Variants in GRIK2 observed in about 807,000 individuals in gnomAD.
GRIK2 encodes the protein glutamate ionotropic receptor kainate type subunit 2.
GRIK2 carries 32 observed loss-of-function variants against 100.3 expected under a neutral mutation model. The observed-to-expected ratio is 0.32, with a 90% CI of 0.24 to 0.43. The LOEUF (loss-of-function observed/expected upper bound fraction) is 0.43. Among genes scored for constraint, GRIK2 ranks in the 20% least tolerant of loss-of-function variants. GRIK2 has a pLI of 1.00. For missense variants in GRIK2, 843 were observed against 1,114.9 expected, an observed-to-expected ratio of 0.76 and a Z score of 3.47; for synonymous variants, 417 against 389.4, an observed-to-expected ratio of 1.07 and a Z score of -0.83.
chr6:101,784,445 A>G (rs1444866045), intron 7 of GRIK2, among the ~76,000 whole-genome samples: 1 of 152,160 alleles, frequency 6.6e-6, no homozygotes, highest in African/African-American at 2.4e-5. Flanking sequence ...GAGACTTTGG[A>G]CTTGGATTTT....
intron 2 of GRIK2, among the ~76,000 whole-genome samples, chr6:101,477,376 G>A (rs961462136): frequency 2.0e-5 from 3 of 152,156 alleles, no homozygotes; most frequent in Admixed American, 2.0e-4. Flanking sequence ...TTATTTTTCA[G>A]AATTTGCCCA....
intron 2 of GRIK2, among the ~76,000 whole-genome samples, chr6:101,468,667 G>A (rs927310490): frequency 6.6e-6 from 1 of 152,054 alleles, no homozygotes; most frequent in East Asian, 1.9e-4. Flanking sequence ...TACGATATAG[G>A]TCACATTTTC....
intron 2 of GRIK2, among the ~76,000 whole-genome samples, chr6:101,407,874 G>T (rs965905805): frequency 6.6e-6 from 1 of 152,054 alleles, no homozygotes; most frequent in Admixed American, 6.6e-5. Flanking sequence ...AGATTATTGC[G>T]GGCTTAAGTT....
At chr6:101,999,527 C>A (rs541994105) in intron 14 of GRIK2, among the ~76,000 whole-genome samples, 1 of 152,084 alleles carries the variant, frequency 6.6e-6, no homozygotes, top group African/African-American at 2.4e-5. Flanking sequence ...TGTAGAAACA[C>A]AATTGATTGT....
Position 101,617,001 on chromosome 6 carries a change from A to G in GRIK2, c.116-4948A>G, listed in dbSNP as rs542916347. 5.3e-5 allele frequency among the ~76,000 whole-genome samples: 8 copies of G among 151,716 alleles called. No individual in the cohort carries two copies. The South Asian group carries it at 8.3e-4, about 16-fold the overall frequency. On this transcript the variant is annotated intron_variant, in intron 2 of 16. Transcript: ENST00000369134. The stretch of plus-strand genomic sequence containing the variant: ...TTTCTTGTAAAATGTATTATATTTA[A>G]TATACTTTCATATATTTTCATATTT...
intron 14 of GRIK2, among the ~76,000 whole-genome samples, chr6:101,996,380 C>T (rs1432211551): frequency 6.6e-6 from 1 of 151,938 alleles, no homozygotes; most frequent in Non-Finnish European, 1.5e-5. Flanking sequence ...TTTTTAACTA[C>T]TTTAATTATG....
chr6:101,557,404 T>C (rs1776799380), intron 2 of GRIK2, among the ~76,000 whole-genome samples: 1 of 152,216 alleles, frequency 6.6e-6, no homozygotes, highest in African/African-American at 2.4e-5. Context: ...TAGTTCATGG[T>C]TTATACAGCT....
chr6:101,942,710 G>A (rs1475418654), intron 14 of GRIK2, among the ~76,000 whole-genome samples: 2 of 152,188 alleles, frequency 1.3e-5, no homozygotes, highest in Non-Finnish European at 2.9e-5. Flanking sequence ...AAGCAGCAAA[G>A]TATTCATGAT....
At chr6:101,847,173 T>C (rs62419296) in intron 10 of GRIK2, among the ~76,000 whole-genome samples, 160 of 152,262 alleles carry the variant, frequency 1.1e-3, no homozygotes, top group Non-Finnish European at 1.2e-3. Context: ...ACTGTATCCA[T>C]TGAGTTTTAA....
chr6:101,832,763 C>T (rs944930821), intron 10 of GRIK2, among the ~76,000 whole-genome samples: 13 of 152,044 alleles, frequency 8.6e-5, no homozygotes, highest in Admixed American at 8.5e-4. Flanking sequence ...AATACAGGTG[C>T]CCATTATTAT....
chr6:101,702,045 C>T lies in GRIK2; in HGVS notation c.951+15692C>T, dbSNP rs144875248. ...CTATCATGTTTCTGTATTTTGACTC[C>T]GTGGTTTGGTATTCTTATTTTTCTA... On this transcript the variant is annotated intron_variant, in intron 7 of 16. Coordinates refer to ENST00000369134, the MANE Select transcript of GRIK2 (RefSeq NM_021956.5). 3.9e-3 allele frequency among the ~76,000 whole-genome samples: 157 copies of T among 40,212 alleles called. 1 individual carries two copies. In the East Asian group the frequency reaches 0.093, roughly 24 times the overall value. 26.4% of individuals were successfully genotyped at this position (40,212 alleles called of 152,430 possible).
intron 7 of GRIK2, among the ~76,000 whole-genome samples, chr6:101,752,012 A>G (rs1003129824): frequency 6.6e-6 from 1 of 152,262 alleles, no homozygotes; most frequent in East Asian, 1.9e-4. Context: ...AACCTTCCCT[A>G]TGTACTATTT....
chr6:101,928,403 A>G lies in GRIK2; in HGVS notation c.1868-12A>G. The G allele has an allele frequency of 7.1e-7, 1 of 1,416,034 alleles. No homozygotes were observed. Among genetic ancestry groups the G allele is most frequent in the Non-Finnish European group, 1.0e-6 (1 of 999,642 alleles). The allele number at this position is 1,416,034 out of a possible 1,614,324, so 87.7% of individuals were successfully genotyped here. ...TCTATATTCGTTTCACCTTTCCCCCACTCTCTGTTAGGTTCTGAGCTCATG... is the reference window on the plus strand; with the variant it reads ...TCTATATTCGTTTCACCTTTCCCCCGCTCTCTGTTAGGTTCTGAGCTCATG... On this transcript the variant is annotated splice_polypyrimidine_tract_variant and intron_variant, in intron 13 of 16. Coordinates refer to ENST00000369134, the MANE Select transcript of GRIK2 (RefSeq NM_021956.5).
chr6:101,734,739 A>G (rs146816667), intron 7 of GRIK2, among the ~76,000 whole-genome samples: 1 of 152,330 alleles, frequency 6.6e-6, no homozygotes, highest in Non-Finnish European at 1.5e-5. Flanking sequence ...GGAAAATGAC[A>G]ACCCATTGGT....
At chr6:101,507,625 T>C (rs1169049499) in intron 2 of GRIK2, among the ~76,000 whole-genome samples, 1 of 152,206 alleles carries the variant, frequency 6.6e-6, no homozygotes, top group Non-Finnish European at 1.5e-5. Flanking sequence ...TACAGGATTA[T>C]AACATGGAGA....
chr6:101,696,747 A>G (rs1772517105), intron 7 of GRIK2, among the ~76,000 whole-genome samples: 1 of 152,018 alleles, frequency 6.6e-6, no homozygotes, highest in African/African-American at 2.4e-5. Context: ...TAGAATAGGC[A>G]GGTTATATAT....
chr6:101,684,039 C>T (rs1462094181), intron 6 of GRIK2, among the ~76,000 whole-genome samples: 2 of 152,168 alleles, frequency 1.3e-5, no homozygotes, highest in Non-Finnish European at 2.9e-5. Context: ...GCAATAGCTT[C>T]CTGTGATGAC....
intron 15 of GRIK2, among the ~76,000 whole-genome samples, chr6:102,046,142 A>T (rs1358081177): frequency 6.6e-6 from 1 of 152,144 alleles, no homozygotes; most frequent in Non-Finnish European, 1.5e-5. Flanking sequence ...GGACATAATA[A>T]TTGTAAATAT....
chr6:101,622,081 T>G lies in GRIK2; in HGVS notation c.248T>G (p.Ile83Arg). ...NTTLTYDTQKINLYDSFEASK... is the reference protein window; with the variant it reads ...NTTLTYDTQKRNLYDSFEASK... ...ACCCTTACCTATGATACCCAGAAGA[T>G]AAACCTTTATGATAGTTTTGAAGCA... Residue 83 changes from isoleucine (I) to arginine (R), a missense_variant, in exon 3 of 17, where the codon ATA becomes AGA. Ile to Arg is a moderately conservative substitution (Grantham distance 97). This residue lies in a region of GRIK2 where 519 missense variants were observed against 643.8 expected (regional missense o/e 0.81). Transcript: ENST00000369134. 1 of 1,602,834 alleles carries G rather than the reference T, an allele frequency of 6.2e-7. No homozygotes were observed.
Sources: gnomAD v4.1 joint callset for allele counts (sites outside exome capture counted in the v4.1 genomes callset) on GRCh38, gnomAD v4.1.1 for gene constraint, gnomAD v4.1.1 regional missense constraint, MANE v1.5 for transcripts, NCBI Gene and HGNC (gene_info 2026-07-23, HGNC 2026-07-21) for gene names.